The following PAK3 variants were observed in gnomAD, a reference collection of about 807,000 sequenced individuals.
PAK3 encodes the protein serine/threonine-protein kinase PAK 3.
PAK3 carries 4 observed loss-of-function variants against 41.0 expected under a neutral mutation model. The ratio of observed to expected loss-of-function variants is 0.10; its 90% CI spans 0.05 to 0.22. The LOEUF is 0.22. Among genes scored for constraint, PAK3 ranks in the 10% least tolerant of loss-of-function variants. The pLI, the probability that PAK3 is intolerant of heterozygous loss-of-function variation, is 1.00. For missense variants in PAK3, 205 were observed against 409.9 expected (o/e 0.50, Z 4.32); for synonymous variants, 146 against 139.6 (o/e 1.05, Z -0.32).
At chrX:111,084,293 G>A (rs1035767166) in intron 1 of PAK3, among the ~76,000 whole-genome samples, 2 of 112,483 alleles carry the variant, frequency 1.8e-5, no homozygotes, top group Non-Finnish European at 3.8e-5. Flanking sequence ...TCTATTTGAC[G>A]TGAATTGTAG....
chrX:111,096,762 G>A (rs754255156), intron 1 of PAK3: 5 of 35,589 alleles, frequency 1.4e-4, no homozygotes, highest in Non-Finnish European at 2.7e-4. Flanking sequence ...TCACCCCCCC[G>A]CCCGCCCCCC....
intron 1 of PAK3, among the ~76,000 whole-genome samples, chrX:110,984,516 G>A (rs745539887): frequency 1.3e-4 from 14 of 111,638 alleles, no homozygotes; most frequent in Admixed American, 3.8e-4. Context: ...GGATAGAACA[G>A]TGGGGGGCAA....
chrX:111,216,644 A>T, intron 17 of PAK3, 86 bp downstream of exon 17: 1 of 796,463 alleles, frequency 1.3e-6, no homozygotes, highest in Non-Finnish European at 1.9e-6. Context: ...CTGTCAAGAG[A>T]TGTCTAGAGT....
At chrX:111,115,336 G>A (rs12862857) in intron 4 of PAK3, among the ~76,000 whole-genome samples, 4,529 of 111,599 alleles carry the variant, frequency 0.041, 73 homozygotes, top group Middle Eastern at 0.097. Flanking sequence ...AGACTGCTTT[G>A]GGTGTATTAT....
rs976541253 is a variant in PAK3, at chrX:111,227,147, T to C, written c.*6700T>C. On this transcript the variant is annotated 3_prime_UTR_variant, in exon 18 of 18. Coordinates refer to ENST00000372007, the MANE Select transcript of PAK3 (RefSeq NM_002578.5). ...GTTTGATTTTTAAGTAAGTTATTTC[T>C]TTTGTAGACCTGCTGATGGTATGGT... is the stretch of plus-strand genomic sequence containing the variant. The C allele has an allele frequency of 1.8e-5, 2 of 112,415 alleles. No individual in the cohort carries two copies. Among genetic ancestry groups the C allele is most frequent in the African/African-American group, 6.5e-5 (2 of 30,930 alleles). The allele number at this position is 112,415 out of a possible 1,213,427, so 9.3% of individuals were successfully genotyped here. A position where few individuals can be genotyped will look rare whatever the true frequency, so the allele number is the denominator to read the frequency against.
intron 16 of PAK3, among the ~76,000 whole-genome samples, chrX:111,200,004 A>G (rs1349423710): frequency 1.8e-5 from 2 of 111,419 alleles, no homozygotes; most frequent in East Asian, 5.7e-4. Context: ...ACATTGTTTA[A>G]AAAAGAAAAT....
Position 111,223,668 on chromosome X carries a change from G to A in PAK3, c.*3221G>A, listed in dbSNP as rs752361432. 2.7e-5 allele frequency: 3 copies of A among 110,847 alleles called. No individual in the cohort carries two copies. Among genetic ancestry groups the A allele is most frequent in the Admixed American group, 9.7e-5 (1 of 10,288 alleles). 9.1% of individuals were successfully genotyped at this position (110,847 alleles called of 1,213,427 possible). A position where few individuals can be genotyped will look rare whatever the true frequency, so the allele number is the denominator to read the frequency against. On this transcript the variant is annotated 3_prime_UTR_variant, in exon 18 of 18. Coordinates refer to ENST00000372007, the MANE Select transcript of PAK3 (RefSeq NM_002578.5). ...CTAAAAGAAAAAGAAACACGAAATT[G>A]CTTCCTGTTGTCTGTATAACTGTTT...
chrX:111,225,629 A>G lies in PAK3; in HGVS notation c.*5182A>G, dbSNP rs1280625451. 1 of 111,724 alleles carries G rather than the reference A, an allele frequency of 9.0e-6. No individual in the cohort carries two copies. Among genetic ancestry groups the G allele is most frequent in the Non-Finnish European group, 1.9e-5 (1 of 53,293 alleles). The allele number at this position is 111,724 out of a possible 1,213,427, so 9.2% of individuals were successfully genotyped here. On this transcript the variant is annotated 3_prime_UTR_variant, in exon 18 of 18. Coordinates refer to ENST00000372007, the MANE Select transcript of PAK3 (RefSeq NM_002578.5). ...CTAGGAAGAAGGAGCCCCGGAGTCT[A>G]ATATGAGCTTTATTACTAAATTGCT... is the stretch of plus-strand genomic sequence containing the variant.
At chrX:111,155,199 T>G (rs1472087638) in intron 8 of PAK3, among the ~76,000 whole-genome samples, 1 of 110,767 alleles carries the variant, frequency 9.0e-6, no homozygotes, top group Non-Finnish European at 1.9e-5. Flanking sequence ...CATAAAGAAG[T>G]ACAATACAGT....
At chrX:111,135,347 G>T (rs1009967597) in intron 5 of PAK3, among the ~76,000 whole-genome samples, 4 of 111,556 alleles carry the variant, frequency 3.6e-5, no homozygotes, top group Non-Finnish European at 5.7e-5. Context: ...AATTAGGCTT[G>T]ATTTTGAAAA....
intron 16 of PAK3, among the ~76,000 whole-genome samples, chrX:111,202,259 T>A (rs1454312957): frequency 9.0e-6 from 1 of 111,623 alleles, no homozygotes; most frequent in African/African-American, 3.3e-5. Flanking sequence ...TTAATGTAAA[T>A]GTTGCTATAC....
At chrX:111,201,406 T>C (rs890284743) in intron 16 of PAK3, among the ~76,000 whole-genome samples, 2 of 111,816 alleles carry the variant, frequency 1.8e-5, no homozygotes, top group Non-Finnish European at 3.8e-5. Context: ...TGGATCCTGG[T>C]GCCCAGGCCA....
chrX:111,176,050 A>G (rs1220492556), intron 11 of PAK3, among the ~76,000 whole-genome samples: 1 of 111,286 alleles, frequency 9.0e-6, no homozygotes, highest in Non-Finnish European at 1.9e-5. Context: ...TTGTATTCCT[A>G]CTTTTGTCTT....
At chrX:111,170,705 G>T (rs2094326839) in intron 10 of PAK3, among the ~76,000 whole-genome samples, 1 of 111,294 alleles carries the variant, frequency 9.0e-6, no homozygotes, top group Non-Finnish European at 1.9e-5. Context: ...CATAAAGGTG[G>T]ATAATTTGAG....
rs141933867 is a variant in PAK3 at position 111,155,664 on chromosome X, T to A, written c.468+3217T>A. Among the ~76,000 whole-genome samples the A allele has an allele frequency of 7.2e-3, 803 of 111,386 alleles. 10 individuals are homozygous for A. The highest frequency in any genetic ancestry group is 0.025 in the African/African-American group (752 of 30,650). On this transcript the variant is annotated intron_variant, in intron 8 of 17. Transcript: ENST00000372007. The stretch of plus-strand genomic sequence containing the variant: ...AGCTCAGTGTCTGGTACCAAATAGA[T>A]ACTTGGTATGTATTTGTTGAATGTT...
chrX:111,127,624 T>C (rs1428198326), intron 5 of PAK3, among the ~76,000 whole-genome samples: 2 of 110,892 alleles, frequency 1.8e-5, no homozygotes, highest in Admixed American at 9.6e-5. Flanking sequence ...ATCCTAACCA[T>C]ATGGGTTGAT....
intron 11 of PAK3, among the ~76,000 whole-genome samples, chrX:111,173,922 A>C (rs1194525719): frequency 9.0e-6 from 1 of 111,445 alleles, no homozygotes; most frequent in African/African-American, 3.3e-5. Flanking sequence ...CTTAAGGGAC[A>C]TCCTTAAATG....
At chrX:111,024,574 T>C (rs776288176) in intron 1 of PAK3, among the ~76,000 whole-genome samples, 1 of 110,859 alleles carries the variant, frequency 9.0e-6, no homozygotes, top group Non-Finnish European at 1.9e-5. Context: ...TATATAATAA[T>C]AAAAGGACTA....
chrX:111,105,482 T>C (rs1296615264), intron 4 of PAK3, among the ~76,000 whole-genome samples: 2 of 111,541 alleles, frequency 1.8e-5, no homozygotes, highest in Non-Finnish European at 3.8e-5. Context: ...TGCATTGATG[T>C]CATCACTGTT....
Sources: gnomAD v4.1 joint callset for allele counts (sites outside exome capture counted in the v4.1 genomes callset) on GRCh38, gnomAD v4.1.1 for gene constraint, MANE v1.5 for transcripts, NCBI Gene and HGNC (gene_info 2026-07-23, HGNC 2026-07-21) for gene names.